The following DNAJC13 variants were observed in gnomAD, a reference collection of about 807,000 sequenced individuals.
The protein encoded by DNAJC13 is dnaJ homolog subfamily C member 13.
A neutral mutation model predicts 290.5 loss-of-function variants in DNAJC13; 75 were observed. That is an observed-to-expected ratio of 0.26 (90% CI 0.21 to 0.31). DNAJC13 has a LOEUF of 0.31. Ranked by LOEUF, DNAJC13 falls within the 10% of genes least tolerant of loss-of-function variation. The probability of loss-of-function intolerance (pLI) is 1.00; values close to 1 mark genes in which losing one functional copy is unlikely to be tolerated. For missense variants in DNAJC13, 2,260 were observed against 2,674.5 expected (o/e 0.85, Z 3.42); for synonymous variants, 862 against 892.0 (o/e 0.97, Z 0.60).
chr3:132,478,854 T>C (rs2107693091), intron 24 of DNAJC13, among the ~76,000 whole-genome samples: 1 of 152,340 alleles, frequency 6.6e-6, no homozygotes, highest in Admixed American at 6.5e-5. Context: ...TGCTGCCTGT[T>C]TGTTGCAGTG....
Position 132,483,516 on chromosome 3 carries a change from A to G in DNAJC13, c.3121A>G (p.Thr1041Ala), listed in dbSNP as rs1934750787. The G allele has an allele frequency of 1.2e-6, 2 of 1,614,118 alleles. No individual in the cohort carries two copies. The highest frequency in any genetic ancestry group is 2.2e-5 in the East Asian group (1 of 44,882). The change falls in exon 28 of 56, where the codon ACT becomes GCT. Residue 1041 changes from threonine (T) to alanine (A), a missense_variant. Transcript: ENST00000260818. ...CAGTGGACAGGCTGTCCTGAATGAA[A>G]CTGACCTTGCTACCCTTATATTGAA... ...LASGQAVLNE[T>A]DLATLILNML...
chr3:132,434,469 T>G lies in DNAJC13; in HGVS notation c.-13-69T>G, dbSNP rs956161214. ...TGAGAGAGCGATCTTGCTACCTTTCTTAGGGGAATCTTGGAAAGATTAAAG... is the reference window on the plus strand; with the variant it reads ...TGAGAGAGCGATCTTGCTACCTTTCGTAGGGGAATCTTGGAAAGATTAAAG... On this transcript the variant is annotated intron_variant, in intron 1 of 55. Coordinates refer to ENST00000260818, the MANE Select transcript of DNAJC13 (RefSeq NM_015268.4). 2.7e-6 allele frequency: 3 copies of G among 1,129,666 alleles called. No homozygotes were observed. The African/African-American group carries it at 5.1e-5, about 19-fold the overall frequency. 70.0% of individuals were successfully genotyped at this position (1,129,666 alleles called of 1,614,324 possible). A position where few individuals can be genotyped will look rare whatever the true frequency, so the allele number is the denominator to read the frequency against.
chr3:132,454,202 C>A, intron 9 of DNAJC13, 45 bp downstream of exon 9: 3 of 1,374,952 alleles, frequency 2.2e-6, no homozygotes, highest in Non-Finnish European at 2.0e-6. Context: ...TTGTGCAAGG[C>A]AAAGTGCTTG....
Position 132,457,377 on chromosome 3 carries a change from T to C in DNAJC13, c.1449+9T>C. ...TTTGTGCCCTTATGTGTGTAAGTAG[T>C]AGTTTTCTTAAGGAAACTGGTTTTT... On this transcript the variant is annotated intron_variant, in intron 13 of 55. Transcript: ENST00000260818. 6.2e-7 allele frequency: 1 copy of C among 1,605,908 alleles called. No homozygotes were observed. Among genetic ancestry groups the C allele is most frequent in the East Asian group, 2.2e-5 (1 of 44,802 alleles).
chr3:132,503,424 A>G (rs1169927675), intron 41 of DNAJC13, 43 bp downstream of exon 41: 4 of 1,607,778 alleles, frequency 2.5e-6, no homozygotes, highest in Non-Finnish European at 3.4e-6. Context: ...CAATAGTGCA[A>G]GATCCTTTAA....
rs749745921 is a variant in DNAJC13, at chr3:132,499,239, G to A, written c.4270G>A (p.Glu1424Lys). ...ATCACCATTGTTGCCTGCGGCTACA[G>A]AGCTAGCTTTCCATACTGTCAACTG... ...KESPLLPAAT[E>K]LAFHTVNCSA... Residue 1424 changes from glutamate (E) to lysine (K), a missense_variant, in exon 37 of 56, where the codon GAG becomes AAG. By Grantham distance (56) the Glu-to-Lys change is moderately conservative. Around this residue, in one of 3 missense-constraint regions of DNAJC13, gnomAD observed 1,494 missense variants for 1,693.7 expected, o/e 0.88. Transcript: ENST00000260818. 7 of 1,614,026 alleles carry A rather than the reference G, an allele frequency of 4.3e-6. No individual in the cohort carries two copies. The highest frequency in any genetic ancestry group is 2.2e-5 in the South Asian group (2 of 91,092).
chr3:132,448,517 G>C (rs571077992), intron 5 of DNAJC13, among the ~76,000 whole-genome samples: 41 of 152,174 alleles, frequency 2.7e-4, no homozygotes, highest in African/African-American at 9.4e-4. Flanking sequence ...AGACTTCTGG[G>C]AAAGAGGAAC....
chr3:132,469,927 G>C (rs1934130376), intron 20 of DNAJC13, among the ~76,000 whole-genome samples: 1 of 118,022 alleles, frequency 8.5e-6, no homozygotes, highest in Non-Finnish European at 1.8e-5. Context: ...TTTCATATCT[G>C]ATGTATATAC....
At chr3:132,471,877 T>A (rs1263406058) in intron 20 of DNAJC13, among the ~76,000 whole-genome samples, 1 of 145,670 alleles carries the variant, frequency 6.9e-6, no homozygotes, top group Non-Finnish European at 1.5e-5. Context: ...CTCGGCACTT[T>A]GGGAGGCCAA....
chr3:132,464,900 AG>A (rs1253795651), intron 17 of DNAJC13, among the ~76,000 whole-genome samples: 1 of 152,162 alleles, frequency 6.6e-6, no homozygotes, highest in African/African-American at 2.4e-5. Flanking sequence ...AAATTCCAAA[AG>A]GTTAGTAATA....
At chr3:132,434,381 T>C (rs1360333743) in intron 1 of DNAJC13, among the ~76,000 whole-genome samples, 157 bp from the exon 2 acceptor site, 1 of 146,638 alleles carries the variant, frequency 6.8e-6, no homozygotes, top group East Asian at 2.0e-4. Flanking sequence ...GCGAGACTCA[T>C]CTCAAAAAAA....
chr3:132,522,181 T>G (rs1343354187), intron 48 of DNAJC13, among the ~76,000 whole-genome samples: 1 of 152,130 alleles, frequency 6.6e-6, no homozygotes, highest in African/African-American at 2.4e-5. Context: ...AGCCCAGAAT[T>G]TGACACGGAG....
chr3:132,537,030 A>G (rs1327740236), intron 55 of DNAJC13: 1 of 436,194 alleles, frequency 2.3e-6, no homozygotes, highest in African/African-American at 2.0e-5. Flanking sequence ...AAGGTCAAAA[A>G]CAAGATGAAT....
intron 1 of DNAJC13, among the ~76,000 whole-genome samples, chr3:132,418,128 C>A (rs1315485489): frequency 6.6e-6 from 1 of 152,204 alleles, no homozygotes; most frequent in African/African-American, 2.4e-5. Context: ...GAGCACCCTT[C>A]CTGCTGGATG....
intron 3 of DNAJC13, among the ~76,000 whole-genome samples, chr3:132,446,831 C>G (rs184591244): frequency 1.3e-4 from 19 of 151,992 alleles, no homozygotes; most frequent in Non-Finnish European, 1.9e-4. Context: ...TAATTTAGTT[C>G]TCTATAATTT....
chr3:132,446,405 G>A, intron 2 of DNAJC13, 70 bp from the exon 3 acceptor site: 3 of 1,074,882 alleles, frequency 2.8e-6, no homozygotes, highest in Non-Finnish European at 4.1e-6. Context: ...TTTGTTTTGT[G>A]TTATATATAT....
chr3:132,471,768 A>G (rs1490468332), intron 20 of DNAJC13, among the ~76,000 whole-genome samples: 3 of 121,868 alleles, frequency 2.5e-5, no homozygotes, highest in Non-Finnish European at 3.5e-5. Flanking sequence ...CAGACTGGGC[A>G]GCCAGGCAGA....
rs773122092 is a variant in DNAJC13 at position 132,460,286 on chromosome 3, T to C, written c.1486T>C (p.Leu496=). The change falls in exon 14 of 56, where the codon TTG becomes CTG. Residue 496 remains leucine (L), a synonymous_variant. Coordinates refer to ENST00000260818, the MANE Select transcript of DNAJC13 (RefSeq NM_015268.4). The stretch of plus-strand genomic sequence containing the variant: ...TGACTATGACTTAAGACAAGAACAG[T>C]TGAACAAAGCTTCTCTTCTCTCGTC... ...HDDYDLRQEQ[L]NKASLLSSKK... 6.1e-5 allele frequency: 99 copies of C among 1,612,910 alleles called. No homozygotes were observed. Among genetic ancestry groups the C allele is most frequent in the Non-Finnish European group, 7.9e-5 (93 of 1,179,378 alleles).
chr3:132,477,267 C>T (rs1934504080), intron 22 of DNAJC13, among the ~76,000 whole-genome samples: 1 of 152,152 alleles, frequency 6.6e-6, no homozygotes, highest in African/African-American at 2.4e-5. Context: ...AGCCTGAGTG[C>T]AAGCATAGTG....
Sources: allele counts gnomAD v4.1 joint callset (sites outside exome capture counted in the v4.1 genomes callset), GRCh38; gene constraint gnomAD v4.1.1; regional missense constraint gnomAD v4.1.1; transcripts MANE v1.5; gene names NCBI Gene and HGNC (gene_info 2026-07-23, HGNC 2026-07-21).